SLC27A6: variants seen among roughly 807,000 people sequenced by gnomAD.
The protein encoded by SLC27A6 is long-chain fatty acid transport protein 6.
In SLC27A6, 74 loss-of-function variants were observed where a neutral mutation model predicts 63.9. That is an observed-to-expected ratio of 1.16 (90% CI 0.96 to 1.40). SLC27A6 has a LOEUF of 1.40. Among genes scored for constraint, SLC27A6 ranks in the 40% most tolerant of loss-of-function variants. The pLI, the probability that SLC27A6 is intolerant of heterozygous loss-of-function variation, is 0.00. For missense variants in SLC27A6, 794 were observed against 732.9 expected (o/e 1.08, Z -0.96); for synonymous variants, 287 against 260.8 (o/e 1.10, Z -0.97).
chr5:128,966,764 A>C lies in SLC27A6; in HGVS notation c.481+146A>C, dbSNP rs567409569. 8.1e-6 allele frequency: 7 copies of C among 869,398 alleles called. No individual in the cohort carries two copies. In the African/African-American group the frequency reaches 8.6e-5, roughly 11 times the overall value. 53.9% of individuals were successfully genotyped at this position (869,398 alleles called of 1,614,324 possible). ...GAGTACAAAATAGTTTTATGATTCTATGCTGGTTTAACAACTGTCTCCTCC... is the reference window on the plus strand; with the variant it reads ...GAGTACAAAATAGTTTTATGATTCTCTGCTGGTTTAACAACTGTCTCCTCC... On this transcript the variant is annotated intron_variant, in intron 1 of 9. Transcript: ENST00000262462.
intron 1 of SLC27A6, among the ~76,000 whole-genome samples, chr5:128,979,376 C>A (rs764749059): frequency 2.6e-5 from 4 of 151,888 alleles, no homozygotes; most frequent in Non-Finnish European, 5.9e-5. Context: ...TCTTCTCTGG[C>A]CAAAAAGAAG....
chr5:128,995,251 T>A (rs1356110240), intron 4 of SLC27A6, among the ~76,000 whole-genome samples: 1 of 152,202 alleles, frequency 6.6e-6, no homozygotes, highest in Non-Finnish European at 1.5e-5. Context: ...CAATTCCACC[T>A]AACACAGTCA....
intron 2 of SLC27A6, among the ~76,000 whole-genome samples, chr5:128,986,770 CT>C (rs1750800909): frequency 6.6e-6 from 1 of 152,096 alleles, no homozygotes; most frequent in Non-Finnish European, 1.5e-5. Context: ...AGGAATGGAA[CT>C]AGAGATGACA....
At position 128,976,318 on chromosome 5, in the gene SLC27A6, G is replaced by A. The variant is rs1175628630; in HGVS notation, c.482-8815G>A. ...GAGGTCAGGAGTTCGAGACCAGTCT[G>A]ACCAACATGGTGAAAGCCCATCTCT... is the stretch of plus-strand genomic sequence containing the variant. On this transcript the variant is annotated intron_variant, in intron 1 of 9. Transcript: ENST00000262462. Among the ~76,000 whole-genome samples, 4 of 152,184 alleles carry A rather than the reference G, an allele frequency of 2.6e-5. No individual in the cohort carries two copies. The East Asian group carries it at 7.7e-4, about 29-fold the overall frequency.
At chr5:128,986,017 A>G (rs1280674087) in intron 2 of SLC27A6, among the ~76,000 whole-genome samples, 1 of 152,196 alleles carries the variant, frequency 6.6e-6, no homozygotes, top group African/African-American at 2.4e-5. Flanking sequence ...CTGCCTGAGA[A>G]TTCAAAAGAA....
At chr5:129,003,725 C>T (rs143360344) in intron 4 of SLC27A6, among the ~76,000 whole-genome samples, 152 of 152,014 alleles carry the variant, frequency 1.0e-3, no homozygotes, top group African/African-American at 2.8e-3. Flanking sequence ...GTCCCAGTTA[C>T]TTGGGAGGCT....
chr5:129,001,429 A>C (rs1184034439), intron 4 of SLC27A6, among the ~76,000 whole-genome samples: 1 of 152,134 alleles, frequency 6.6e-6, no homozygotes, highest in Non-Finnish European at 1.5e-5. Flanking sequence ...AAGAAAGCAA[A>C]CTGTTGGAAT....
chr5:129,005,865 G>T (rs1751505047), intron 4 of SLC27A6, among the ~76,000 whole-genome samples: 1 of 151,330 alleles, frequency 6.6e-6, no homozygotes. Context: ...GCCTGCCTCG[G>T]CCCCCCAAAG....
chr5:128,999,609 G>A (rs916948278), intron 4 of SLC27A6, among the ~76,000 whole-genome samples: 36 of 152,034 alleles, frequency 2.4e-4, no homozygotes, highest in African/African-American at 8.7e-4. Flanking sequence ...CTCAAAAATA[G>A]CCAAAGTCCA....
At chr5:129,024,268 G>A (rs1752165952) in intron 6 of SLC27A6, among the ~76,000 whole-genome samples, 1 of 152,104 alleles carries the variant, frequency 6.6e-6, no homozygotes, top group African/African-American at 2.4e-5. Flanking sequence ...ACCACTTGTA[G>A]TATGAACAGT....
At chr5:128,997,405 T>C (rs1751196067) in intron 4 of SLC27A6, among the ~76,000 whole-genome samples, 1 of 152,172 alleles carries the variant, frequency 6.6e-6, no homozygotes, top group African/African-American at 2.4e-5. Flanking sequence ...TTATAATAGA[T>C]ATAAAAGCAT....
chr5:129,027,320 A>T lies in SLC27A6; in HGVS notation c.1443A>T (p.Gly481=), dbSNP rs756942467. 9.3e-6 allele frequency: 15 copies of T among 1,609,552 alleles called. No homozygotes were observed. The highest frequency in any genetic ancestry group is 1.3e-5 in the Non-Finnish European group (15 of 1,176,640). ...DNFLYFWDRT[G]DTFRWKGENV... is the part of the protein sequence containing the mutation. ...TCCTTTATTTTTGGGACCGTACTGG[A>T]GACACTTTCAGGTATGAAATGTTAT... Residue 481 remains glycine, a synonymous_variant, in exon 7 of 10, where the codon GGA becomes GGT. Coordinates refer to ENST00000262462, the MANE Select transcript of SLC27A6 (RefSeq NM_001017372.3).
At position 129,000,870 on chromosome 5, in the gene SLC27A6, C is replaced by T. The variant is rs537989309; in HGVS notation, c.969+10406C>T. 3.9e-5 allele frequency among the ~76,000 whole-genome samples: 6 copies of T among 152,296 alleles called. No homozygotes were observed. The South Asian group carries it at 1.2e-3, about 32-fold the overall frequency. On this transcript the variant is annotated intron_variant, in intron 4 of 9. Coordinates refer to ENST00000262462, the MANE Select transcript of SLC27A6 (RefSeq NM_001017372.3). ...GAATGTTCTGGGTCTGAGGCATTTG[C>T]TTTCCCTCCACTGTTCTCCCACGTG...
chr5:129,016,140 C>A, intron 5 of SLC27A6, 61 bp downstream of exon 5: 3 of 1,267,494 alleles, frequency 2.4e-6, no homozygotes, highest in Non-Finnish European at 3.3e-6. Flanking sequence ...TACCTGTAAT[C>A]CCAACACTTT....
intron 7 of SLC27A6, among the ~76,000 whole-genome samples, chr5:129,027,881 T>G (rs1298928219): frequency 6.6e-6 from 1 of 152,066 alleles, no homozygotes; most frequent in Non-Finnish European, 1.5e-5. Flanking sequence ...TCAAAAGCAT[T>G]AAAGGAGTCA....
intron 2 of SLC27A6, among the ~76,000 whole-genome samples, chr5:128,986,576 T>G (rs529072543): frequency 6.6e-6 from 1 of 152,266 alleles, no homozygotes; most frequent in East Asian, 1.9e-4. Context: ...GAATATAATT[T>G]TTTTTTACAT....
chr5:129,025,779 T>C (rs1302760278), intron 6 of SLC27A6, among the ~76,000 whole-genome samples: 1 of 152,102 alleles, frequency 6.6e-6, no homozygotes, highest in Non-Finnish European at 1.5e-5. Flanking sequence ...AGATTTGCTT[T>C]GGCCAGTGAC....
chr5:128,991,381 C>G (rs1045030526), intron 4 of SLC27A6, among the ~76,000 whole-genome samples: 1 of 152,040 alleles, frequency 6.6e-6, no homozygotes, highest in Non-Finnish European at 1.5e-5. Flanking sequence ...TACAAAGATG[C>G]GTGCAATACC....
chr5:128,989,309 C>G (rs1470861893), intron 3 of SLC27A6, among the ~76,000 whole-genome samples: 1 of 143,246 alleles, frequency 7.0e-6, no homozygotes, highest in African/African-American at 3.0e-5. Flanking sequence ...GCCATAGACA[C>G]TCAATAAATT....
Sources: allele counts gnomAD v4.1 joint callset (sites outside exome capture counted in the v4.1 genomes callset), GRCh38; gene constraint gnomAD v4.1.1; transcripts MANE v1.5; gene names NCBI Gene and HGNC (gene_info 2026-07-23, HGNC 2026-07-21).